SOCS5: variants seen among roughly 807,000 people sequenced by gnomAD.
The protein encoded by SOCS5 is suppressor of cytokine signaling 5, also known as CIS-6.
A neutral mutation model predicts 42.8 loss-of-function variants in SOCS5; 32 were observed. The observed-to-expected ratio is 0.75, with a 90% CI of 0.56 to 1.01. The LOEUF is 1.01. Ranked by LOEUF, SOCS5 falls within the 50% of genes least tolerant of loss-of-function variation. The pLI, the probability that SOCS5 is intolerant of heterozygous loss-of-function variation, is 0.00. For missense variants in SOCS5, 627 were observed against 653.0 expected (o/e 0.96, Z 0.43); for synonymous variants, 283 against 229.6 (o/e 1.23, Z -2.10).
chr2:46,708,469 A>G (rs1672543766), intron 1 of SOCS5, among the ~76,000 whole-genome samples: 1 of 152,210 alleles, frequency 6.6e-6, no homozygotes. Context: ...GATTATAGAT[A>G]TGATTTTGAA....
intron 1 of SOCS5, among the ~76,000 whole-genome samples, chr2:46,756,421 G>C (rs1258317758): frequency 6.6e-6 from 1 of 152,160 alleles, no homozygotes; most frequent in Non-Finnish European, 1.5e-5. Context: ...CTTCGTGTGT[G>C]TATGTTTAAA....
chr2:46,731,761 T>A (rs1673130087), intron 1 of SOCS5, among the ~76,000 whole-genome samples: 1 of 152,046 alleles, frequency 6.6e-6, no homozygotes, highest in African/African-American at 2.4e-5. Context: ...GCACAACCCA[T>A]AAAAGTTTCA....
chr2:46,716,047 A>T (rs1011095310), intron 1 of SOCS5, among the ~76,000 whole-genome samples: 5 of 148,860 alleles, frequency 3.4e-5, no homozygotes, highest in Admixed American at 6.7e-5. Flanking sequence ...TTTTTTGTTA[A>T]TAGCTTCTTT....
chr2:46,704,542 CT>C (rs1553334180), intron 1 of SOCS5, among the ~76,000 whole-genome samples: 1 of 152,036 alleles, frequency 6.6e-6, no homozygotes, highest in Non-Finnish European at 1.5e-5. Flanking sequence ...AGTGTAAATC[CT>C]GAATACCACA....
At chr2:46,734,528 C>T (rs374512398) in intron 1 of SOCS5, among the ~76,000 whole-genome samples, 5 of 152,342 alleles carry the variant, frequency 3.3e-5, no homozygotes, top group African/African-American at 7.2e-5. Context: ...TGAATCCTTA[C>T]TTAATCTAGC....
chr2:46,736,067 G>A (rs1309015981), intron 1 of SOCS5, among the ~76,000 whole-genome samples: 4 of 145,022 alleles, frequency 2.8e-5, no homozygotes, highest in Non-Finnish European at 4.5e-5. Context: ...TTTTGAGACA[G>A]TCTCTCTCTC....
chr2:46,703,540 A>G (rs1672393230), intron 1 of SOCS5, among the ~76,000 whole-genome samples: 1 of 152,246 alleles, frequency 6.6e-6, no homozygotes, highest in African/African-American at 2.4e-5. Context: ...TAATCTAATC[A>G]TGTGAATAAA....
chr2:46,702,773 C>T (rs1360121079), intron 1 of SOCS5, among the ~76,000 whole-genome samples: 2 of 152,134 alleles, frequency 1.3e-5, no homozygotes, highest in African/African-American at 4.8e-5. Flanking sequence ...GTGTCATGAC[C>T]ATGTGTTTTA....
chr2:46,734,926 A>T (rs1325953019), intron 1 of SOCS5, among the ~76,000 whole-genome samples: 1 of 152,202 alleles, frequency 6.6e-6, no homozygotes, highest in African/African-American at 2.4e-5. Flanking sequence ...AGCCATCTGA[A>T]TCATTTTCCA....
rs186135265 is a variant in SOCS5 at position 46,715,397 on chromosome 2, A to G, written c.-13+15948A>G. 9.2e-5 allele frequency among the ~76,000 whole-genome samples: 14 copies of G among 151,860 alleles called. No individual in the cohort carries two copies. In the East Asian group the frequency reaches 1.9e-3, roughly 21 times the overall value. On this transcript the variant is annotated intron_variant, in intron 1 of 1. Coordinates refer to ENST00000394861, the MANE Select transcript of SOCS5 (RefSeq NM_144949.3). The stretch of plus-strand genomic sequence containing the variant: ...AAAAAAAAAAAAAAGAAAAGAAAAA[A>G]GAAAAATGTCTTTAATATTTACCTT...
intron 1 of SOCS5, among the ~76,000 whole-genome samples, chr2:46,709,767 T>C (rs1331541394): frequency 2.0e-5 from 3 of 152,222 alleles, no homozygotes; most frequent in South Asian, 2.1e-4. Context: ...GAACAGAGGA[T>C]ACTATAACAT....
chr2:46,713,366 G>T (rs41478946), intron 1 of SOCS5, among the ~76,000 whole-genome samples: 10,203 of 152,194 alleles, frequency 0.067, 361 homozygotes, highest in Middle Eastern at 0.13. Flanking sequence ...TAAAACAAAT[G>T]TAAGACTACT....
rs563575419 is a variant in SOCS5 at position 46,761,645 on chromosome 2, T to C, written c.*1504T>C. Reference sequence around the variant, plus strand: ...GCTGTTTTATACATTTGCAACAATTTCTCTTGTAAATGGAATGGTTTGGGG... The same window carrying C: ...GCTGTTTTATACATTTGCAACAATTCCTCTTGTAAATGGAATGGTTTGGGG... On this transcript the variant is annotated 3_prime_UTR_variant, in exon 2 of 2. Coordinates refer to ENST00000394861, the MANE Select transcript of SOCS5 (RefSeq NM_144949.3). The C allele has an allele frequency of 6.0e-6, 1 of 166,972 alleles. No individual in the cohort carries two copies. Among genetic ancestry groups the C allele is most frequent in the South Asian group, 2.1e-4 (1 of 4,830 alleles). The allele number at this position is 166,972 out of a possible 1,614,324, so 10.3% of individuals were successfully genotyped here. A position where few individuals can be genotyped will look rare whatever the true frequency, so the allele number is the denominator to read the frequency against.
chr2:46,731,574 G>C (rs771645050), intron 1 of SOCS5, among the ~76,000 whole-genome samples: 1 of 152,232 alleles, frequency 6.6e-6, no homozygotes, highest in Non-Finnish European at 1.5e-5. Flanking sequence ...TTATGACACA[G>C]ATATGTACAA....
At chr2:46,703,575 C>T (rs1672394640) in intron 1 of SOCS5, among the ~76,000 whole-genome samples, 2 of 152,118 alleles carry the variant, frequency 1.3e-5, no homozygotes, top group African/African-American at 2.4e-5. Context: ...TTTTAGAAGG[C>T]ATGTCATGTT....
rs41390544 is a variant in SOCS5 at position 46,731,253 on chromosome 2, C to T, written c.-12-27266C>T. On this transcript the variant is annotated intron_variant, in intron 1 of 1. Coordinates refer to ENST00000394861, the MANE Select transcript of SOCS5 (RefSeq NM_144949.3). ...GGATGATACCCTCATGAATGGGATT[C>T]GTGCCTTTGTACGGAGCTGAAAAGA... Among the ~76,000 whole-genome samples, 1,068 of 152,210 alleles carry T rather than the reference C, an allele frequency of 7.0e-3. 19 individuals carry two copies. Among genetic ancestry groups the T allele is most frequent in the African/African-American group, 0.025 (1,026 of 41,526 alleles).
At chr2:46,706,812 G>T (rs1672502914) in intron 1 of SOCS5, among the ~76,000 whole-genome samples, 1 of 152,084 alleles carries the variant, frequency 6.6e-6, no homozygotes, top group Admixed American at 6.5e-5. Context: ...GGTGAAGAGG[G>T]GTTGTGGATT....
At chr2:46,705,465 A>G (rs1479152053) in intron 1 of SOCS5, among the ~76,000 whole-genome samples, 1 of 152,238 alleles carries the variant, frequency 6.6e-6, no homozygotes, top group Non-Finnish European at 1.5e-5. Context: ...TTGAGGTCAC[A>G]AAAGTCTTCT....
chr2:46,720,855 G>A (rs1315260786), intron 1 of SOCS5, among the ~76,000 whole-genome samples: 1 of 152,128 alleles, frequency 6.6e-6, no homozygotes, highest in Non-Finnish European at 1.5e-5. Flanking sequence ...AAGGAGAGGA[G>A]CCAAGTCTTC....
Sources: allele counts gnomAD v4.1 joint callset (sites outside exome capture counted in the v4.1 genomes callset), GRCh38; gene constraint gnomAD v4.1.1; transcripts MANE v1.5; gene names NCBI Gene and HGNC (gene_info 2026-07-23, HGNC 2026-07-21).